FRMD4B: variants seen among roughly 807,000 people sequenced by gnomAD.
FRMD4B encodes FERM domain-containing protein 4B.
FRMD4B carries 74 observed loss-of-function variants against 141.5 expected under a neutral mutation model. That is an observed-to-expected ratio of 0.52 (90% CI 0.43 to 0.63). The LOEUF is 0.63. FRMD4B is among the 30% of genes least tolerant of loss of function. The pLI is 0.00. For missense variants in FRMD4B, 1,366 were observed against 1,253.4 expected, an observed-to-expected ratio of 1.09 and a Z score of -1.36; for synonymous variants, 506 against 467.9, an observed-to-expected ratio of 1.08 and a Z score of -1.05.
chr3:69,272,490 C>T (rs1483591915), intron 5 of FRMD4B, among the ~76,000 whole-genome samples: 1 of 152,166 alleles, frequency 6.6e-6, no homozygotes, highest in Non-Finnish European at 1.5e-5. Flanking sequence ...GAATTTACAG[C>T]TTACAACATT....
At chr3:69,262,116 G>A (rs972087886) in intron 5 of FRMD4B, among the ~76,000 whole-genome samples, 9 of 151,718 alleles carry the variant, frequency 5.9e-5, no homozygotes. Flanking sequence ...TCAGGCTCCC[G>A]CCACCATGCC....
intron 22 of FRMD4B, among the ~76,000 whole-genome samples, chr3:69,176,307 T>C (rs1227909259): frequency 1.3e-5 from 2 of 152,214 alleles, no homozygotes; most frequent in African/African-American, 4.8e-5. Context: ...AGCTCTGCCC[T>C]CATAGTGCAA....
intron 7 of FRMD4B, among the ~76,000 whole-genome samples, chr3:69,236,599 C>A (rs1020301292): frequency 1.3e-5 from 2 of 152,154 alleles, no homozygotes; most frequent in African/African-American, 4.8e-5. Context: ...TCGGCAGAAC[C>A]TTAAAACAGG....
intron 2 of FRMD4B, among the ~76,000 whole-genome samples, chr3:69,397,204 G>A (rs1011386655): frequency 1.3e-5 from 2 of 152,076 alleles, no homozygotes; most frequent in African/African-American, 4.8e-5. Flanking sequence ...ATACTGGTAC[G>A]TACTACAACA....
chr3:69,514,384 T>G (rs937848581), intron 1 of FRMD4B, among the ~76,000 whole-genome samples: 1 of 151,570 alleles, frequency 6.6e-6, no homozygotes, highest in Non-Finnish European at 1.5e-5. Context: ...TACAAAACAT[T>G]GCTGAAAAAA....
In FRMD4B at chr3:69,330,340, C is replaced by CTCTTTTT. The variant is rs1225031283; in HGVS notation, c.163-16824_163-16823insAAAAAGA. On this transcript the variant is annotated intron_variant, in intron 1 of 22. Transcript: ENST00000398540. ...CAACATTATATTTTGATTCTTTTGC[C>CTCTTTTT]TTTTTTTTTTTTTTTTTTTTTTTTG... 9.8e-4 allele frequency among the ~76,000 whole-genome samples: 42 copies of CTCTTTTT among 42,936 alleles called. 1 individual carries two copies. Among genetic ancestry groups the CTCTTTTT allele is most frequent in the African/African-American group, 4.8e-3 (40 of 8,334 alleles). The allele number at this position is 42,936 out of a possible 152,430, so 28.2% of individuals were successfully genotyped here.
At chr3:69,259,786 T>C (rs2093514473) in intron 5 of FRMD4B, among the ~76,000 whole-genome samples, 1 of 152,220 alleles carries the variant, frequency 6.6e-6, no homozygotes, top group South Asian at 2.1e-4. Context: ...CCATAGCACA[T>C]TTCTATTGAA....
At chr3:69,455,457 C>G (rs1705582911) in intron 1 of FRMD4B, among the ~76,000 whole-genome samples, 1 of 152,150 alleles carries the variant, frequency 6.6e-6, no homozygotes, top group African/African-American at 2.4e-5. Context: ...TGAACAACTC[C>G]AGACATGCCA....
Position 69,278,445 on chromosome 3 carries a change from C to T in FRMD4B, c.501+9307G>A, listed in dbSNP as rs72931432. On this transcript the variant is annotated intron_variant, in intron 5 of 22. Transcript: ENST00000398540. ...TCCTGAGCAGCTAGGACTACAGGCA[C>T]ACACTAACTTATTGGCTATTTTAAA... Among the ~76,000 whole-genome samples, 1,365 of 151,508 alleles carry T rather than the reference C, an allele frequency of 9.0e-3. 20 individuals carry two copies. Among genetic ancestry groups the T allele is most frequent in the African/African-American group, 0.032 (1,317 of 41,278 alleles).
intron 2 of FRMD4B, among the ~76,000 whole-genome samples, chr3:69,392,261 A>G (rs2053531391): frequency 6.6e-6 from 1 of 152,198 alleles, no homozygotes; most frequent in Non-Finnish European, 1.5e-5. Context: ...TGAACAAGAA[A>G]TGTAAAGGAG....
intron 19 of FRMD4B, among the ~76,000 whole-genome samples, chr3:69,183,351 C>T (rs956345084): frequency 8.5e-5 from 13 of 152,168 alleles, no homozygotes; most frequent in African/African-American, 2.9e-4. Context: ...ACGGTCTGCG[C>T]AAAAACAGGC....
intron 7 of FRMD4B, among the ~76,000 whole-genome samples, chr3:69,237,985 G>T (rs909007765): frequency 2.0e-5 from 3 of 152,180 alleles, no homozygotes; most frequent in Non-Finnish European, 4.4e-5. Flanking sequence ...GCCGGCGTTG[G>T]CCTCCTAAAG....
chr3:69,303,780 A>G (rs530521926), intron 3 of FRMD4B, among the ~76,000 whole-genome samples: 4 of 151,994 alleles, frequency 2.6e-5, no homozygotes, highest in African/African-American at 9.7e-5. Flanking sequence ...GAATACAGAA[A>G]AAAATTAGCC....
intron 7 of FRMD4B, among the ~76,000 whole-genome samples, chr3:69,245,118 C>A (rs2093413451): frequency 6.6e-6 from 1 of 152,112 alleles, no homozygotes; most frequent in Non-Finnish European, 1.5e-5. Flanking sequence ...TCACAGCAAT[C>A]CTATGGAGTG....
chr3:69,482,720 C>T (rs1339558722), intron 1 of FRMD4B, among the ~76,000 whole-genome samples: 2 of 152,322 alleles, frequency 1.3e-5, no homozygotes, highest in Admixed American at 6.5e-5. Context: ...GTACATCTTT[C>T]GTCCAGGGAC....
chr3:69,350,833 G>A (rs368320784), intron 1 of FRMD4B, among the ~76,000 whole-genome samples: 1 of 137,888 alleles, frequency 7.3e-6, no homozygotes, highest in Non-Finnish European at 1.6e-5. Context: ...TTGGGGTGTG[G>A]GGAGGGGGGA....
At chr3:69,264,274 A>G (rs577806268) in intron 5 of FRMD4B, among the ~76,000 whole-genome samples, 1 of 152,304 alleles carries the variant, frequency 6.6e-6, no homozygotes, top group African/African-American at 2.4e-5. Flanking sequence ...CCTAGTAGGT[A>G]TAATTCTTAA....
chr3:69,509,978 C>T (rs968598586), intron 1 of FRMD4B, among the ~76,000 whole-genome samples: 5 of 151,088 alleles, frequency 3.3e-5, no homozygotes, highest in African/African-American at 9.7e-5. Flanking sequence ...CTTCTACATG[C>T]ACTGGGAAAT....
At chr3:69,263,991 A>C (rs547661620) in intron 5 of FRMD4B, among the ~76,000 whole-genome samples, 129 of 151,450 alleles carry the variant, frequency 8.5e-4, no homozygotes, top group African/African-American at 3.0e-3. Flanking sequence ...AAGCCCTGCT[A>C]ATTTTTGTAT....
Sources: gnomAD v4.1 joint callset for allele counts (sites outside exome capture counted in the v4.1 genomes callset) on GRCh38, gnomAD v4.1.1 for gene constraint, MANE v1.5 for transcripts, NCBI Gene and HGNC (gene_info 2026-07-23, HGNC 2026-07-21) for gene names.